The following GRXCR1 variants were observed in gnomAD, a reference collection of about 807,000 sequenced individuals.
The protein encoded by GRXCR1 is glutaredoxin and cysteine rich domain containing 1, also known as glutaredoxin domain-containing cysteine-rich protein 1.
A neutral mutation model predicts 27.3 loss-of-function variants in GRXCR1; 27 were observed. The ratio of observed to expected loss-of-function variants is 0.99; its 90% CI spans 0.73 to 1.37. The LOEUF (loss-of-function observed/expected upper bound fraction) is 1.37. Among genes scored for constraint, GRXCR1 ranks in the 40% most tolerant of loss-of-function variants. The probability of loss-of-function intolerance (pLI) is 0.00; values close to 1 mark genes in which losing one functional copy is unlikely to be tolerated. For missense variants in GRXCR1, 379 were observed against 354.4 expected, an observed-to-expected ratio of 1.07 and a Z score of -0.56; for synonymous variants, 122 against 131.1, an observed-to-expected ratio of 0.93 and a Z score of 0.47.
intron 3 of GRXCR1, among the ~76,000 whole-genome samples, chr4:43,027,822 T>C (rs553093514): frequency 1.2e-4 from 18 of 152,214 alleles, no homozygotes; most frequent in African/African-American, 3.9e-4. Flanking sequence ...GATATTGAAA[T>C]AATTGGTCCA....
intron 1 of GRXCR1, among the ~76,000 whole-genome samples, chr4:42,925,110 T>C (rs28690458): frequency 0.013 from 1,921 of 151,290 alleles, 49 homozygotes; most frequent in African/African-American, 0.044. Flanking sequence ...CATGAGAAGA[T>C]GTCTGAGTAT....
chr4:42,926,610 A>G (rs1357514593), intron 1 of GRXCR1, among the ~76,000 whole-genome samples: 1 of 151,930 alleles, frequency 6.6e-6, no homozygotes, highest in South Asian at 2.1e-4. Context: ...TTCAAAACTA[A>G]CGTTACACAT....
At chr4:42,975,664 CT>C (rs1748503186) in intron 2 of GRXCR1, among the ~76,000 whole-genome samples, 2 of 152,112 alleles carry the variant, frequency 1.3e-5, no homozygotes, top group Admixed American at 6.6e-5. Context: ...TCATCTTGTT[CT>C]TTCAGTAATC....
intron 1 of GRXCR1, among the ~76,000 whole-genome samples, chr4:42,918,933 A>T (rs1338116989): frequency 6.6e-6 from 1 of 152,130 alleles, no homozygotes; most frequent in African/African-American, 2.4e-5. Flanking sequence ...GAAGTCATGT[A>T]TCAAAAGAGA....
intron 1 of GRXCR1, among the ~76,000 whole-genome samples, chr4:42,911,647 G>GGGGAAAAGAGCCTA (rs1182362976): frequency 1.2e-4 from 18 of 152,102 alleles, no homozygotes; most frequent in Admixed American, 5.9e-4. Context: ...CAGTGACTAT[G>GGGGAAAAGAGCCTA]GGGAAAGAAA....
chr4:42,934,417 A>G (rs1310978200), intron 1 of GRXCR1, among the ~76,000 whole-genome samples: 1 of 151,808 alleles, frequency 6.6e-6, no homozygotes, highest in Non-Finnish European at 1.5e-5. Context: ...ACACACACTC[A>G]CAGAGTTTCT....
chr4:42,899,224 C>T (rs764644296), intron 1 of GRXCR1, among the ~76,000 whole-genome samples: 4 of 152,058 alleles, frequency 2.6e-5, no homozygotes, highest in East Asian at 1.9e-4. Flanking sequence ...GTTTGCATGG[C>T]GAAGTGTTGC....
At chr4:42,952,771 C>G (rs1747914781) in intron 1 of GRXCR1, among the ~76,000 whole-genome samples, 1 of 152,054 alleles carries the variant, frequency 6.6e-6, no homozygotes, top group Non-Finnish European at 1.5e-5. Flanking sequence ...GCTAAGGAAG[C>G]TACACAAAGG....
At chr4:43,024,685 A>G (rs1577950077) in intron 3 of GRXCR1, among the ~76,000 whole-genome samples, 1 of 152,184 alleles carries the variant, frequency 6.6e-6, no homozygotes. Context: ...AGGATGCCGG[A>G]AACACTGATG....
At chr4:42,934,931 C>T (rs976747738) in intron 1 of GRXCR1, among the ~76,000 whole-genome samples, 17 of 151,926 alleles carry the variant, frequency 1.1e-4, no homozygotes, top group African/African-American at 3.6e-4. Context: ...AACATTTCCT[C>T]CCCAGGATTT....
At chr4:42,988,063 A>G (rs571335703) in intron 2 of GRXCR1, among the ~76,000 whole-genome samples, 24 of 152,144 alleles carry the variant, frequency 1.6e-4, no homozygotes, top group African/African-American at 5.5e-4. Context: ...AAATAACCTG[A>G]TCCTGAGCTT....
chr4:43,014,753 A>G (rs1181974644), intron 2 of GRXCR1, among the ~76,000 whole-genome samples: 1 of 152,196 alleles, frequency 6.6e-6, no homozygotes, highest in Non-Finnish European at 1.5e-5. Flanking sequence ...ATTTGAAATC[A>G]TCAATCACTA....
chr4:43,015,339 A>G (rs1040205749), intron 2 of GRXCR1, among the ~76,000 whole-genome samples: 11 of 152,214 alleles, frequency 7.2e-5, no homozygotes, highest in Non-Finnish European at 1.2e-4. Flanking sequence ...CAGAAGATAA[A>G]TAAATGGCAG....
At chr4:43,020,535 G>C in intron 3 of GRXCR1, 116 bp downstream of exon 3, 1 of 729,110 alleles carries the variant, frequency 1.4e-6, no homozygotes, top group Non-Finnish European at 2.5e-6. Flanking sequence ...ATATGCAATA[G>C]GATACATGTG....
intron 1 of GRXCR1, among the ~76,000 whole-genome samples, chr4:42,944,232 A>G (rs1342871410): frequency 6.6e-6 from 1 of 152,046 alleles, no homozygotes; most frequent in East Asian, 1.9e-4. Context: ...ATCAGAGAAA[A>G]CATGGAATTG....
At chr4:43,025,879 G>A (rs1301145148) in intron 3 of GRXCR1, among the ~76,000 whole-genome samples, 3 of 151,924 alleles carry the variant, frequency 2.0e-5, no homozygotes, top group Admixed American at 6.6e-5. Flanking sequence ...GGGAGGCTGA[G>A]GCAGGAGAAT....
chr4:42,930,476 T>A (rs78802364), intron 1 of GRXCR1, among the ~76,000 whole-genome samples: 3 of 152,000 alleles, frequency 2.0e-5, no homozygotes, highest in Non-Finnish European at 2.9e-5. Flanking sequence ...ATTCAAAATC[T>A]CTGTGTTTCC....
At chr4:42,905,510 A>G (rs1300296957) in intron 1 of GRXCR1, among the ~76,000 whole-genome samples, 2 of 152,200 alleles carry the variant, frequency 1.3e-5, no homozygotes, top group Admixed American at 1.3e-4. Flanking sequence ...ATCATTTAAG[A>G]CATTCAAAAG....
chr4:43,008,861 A>G (rs1577943226), intron 2 of GRXCR1, among the ~76,000 whole-genome samples: 1 of 152,330 alleles, frequency 6.6e-6, no homozygotes, highest in East Asian at 1.9e-4. Context: ...TTAAAAGACA[A>G]CTTGCAGGGA....
Sources: gnomAD v4.1 joint callset for allele counts (sites outside exome capture counted in the v4.1 genomes callset) on GRCh38, gnomAD v4.1.1 for gene constraint, MANE v1.5 for transcripts, NCBI Gene and HGNC (gene_info 2026-07-23, HGNC 2026-07-21) for gene names.